The following RRM2 variants were observed in gnomAD, a reference collection of about 807,000 sequenced individuals.
RRM2 encodes the protein ribonucleoside-diphosphate reductase subunit M2.
In RRM2, 6 loss-of-function variants were observed where a neutral mutation model predicts 45.9. The ratio of observed to expected loss-of-function variants is 0.13; its 90% CI spans 0.07 to 0.26. The LOEUF is 0.26. Ranked by LOEUF, RRM2 falls within the 10% of genes least tolerant of loss-of-function variation. RRM2 has a pLI of 1.00. For synonymous variants in RRM2, 177 were observed against 173.0 expected, an observed-to-expected ratio of 1.02 and a Z score of -0.18; for missense variants, 343 against 489.5, an observed-to-expected ratio of 0.70 and a Z score of 2.82.
At chr2:10,155,470 C>T (rs1663404467) in intron 3 of RRM2, among the ~76,000 whole-genome samples, 1 of 151,994 alleles carries the variant, frequency 6.6e-6, no homozygotes, top group Non-Finnish European at 1.5e-5. Flanking sequence ...TGGAATTAGA[C>T]TGAGCTTGGT....
At chr2:10,140,359 T>C (rs916014920), upstream of RRM2, among the ~76,000 whole-genome samples, 1 of 152,264 alleles carries the variant, frequency 6.6e-6, no homozygotes, top group African/African-American at 2.4e-5. Context: ...CCACACTTGT[T>C]TGTTTACGTA....
chr2:10,194,275 G>C (rs1664367531), intron 3 of RRM2, among the ~76,000 whole-genome samples: 2 of 152,228 alleles, frequency 1.3e-5, no homozygotes, highest in South Asian at 4.1e-4. Flanking sequence ...GGACAGAGAA[G>C]TGGCCTCTAA....
At chr2:10,147,512 C>A (rs1663214046) in intron 3 of RRM2, among the ~76,000 whole-genome samples, 1 of 152,180 alleles carries the variant, frequency 6.6e-6, no homozygotes, top group Non-Finnish European at 1.5e-5. Context: ...AATCTGCCCA[C>A]CTCAGCCTTC....
At chr2:10,150,547 T>TA (rs1558388907) in intron 3 of RRM2, among the ~76,000 whole-genome samples, 1 of 150,168 alleles carries the variant, frequency 6.7e-6, no homozygotes, top group African/African-American at 2.5e-5. Flanking sequence ...ATAATTGACA[T>TA]ACAATAAACT....
At chr2:10,182,366 CAAAA>C (rs946101442) in intron 3 of RRM2, among the ~76,000 whole-genome samples, 6 of 146,560 alleles carry the variant, frequency 4.1e-5, no homozygotes, top group South Asian at 2.2e-4. Context: ...AACAAACAAA[CAAAA>C]AAAAACCCAA....
In RRM2 at chr2:10,128,860, G is replaced by A. The variant is rs750443365; in HGVS notation, c.811G>A (p.Asp271Asn). The A allele has an allele frequency of 1.2e-6, 2 of 1,613,982 alleles. No homozygotes were observed. Among genetic ancestry groups the A allele is most frequent in the Non-Finnish European group, 1.7e-6 (2 of 1,179,826 alleles). Residue 271 changes from aspartate (D) to asparagine (N), a missense_variant, in exon 8 of 10, where the codon GAT (aspartate) becomes AAT (asparagine). Around this residue, in one of 2 missense-constraint regions of RRM2, gnomAD observed 212 missense variants for 368.1 expected, o/e 0.58. Transcript: ENST00000304567. ...LISRDEGLHC[D>N]FACLMFKHLV... The stretch of plus-strand genomic sequence containing the variant: ...CTTTTTTTTCTAGGGTTTACACTGT[G>A]ATTTTGCTTGCCTGATGTTCAAACA...
chr2:10,199,798 A>AAAAAAAAAAAAC (rs1664505427), intron 3 of RRM2, among the ~76,000 whole-genome samples: 1 of 150,418 alleles, frequency 6.6e-6, no homozygotes, highest in African/African-American at 2.5e-5. Flanking sequence ...AAAAAAAAAA[A>AAAAAAAAAAAAC]AAAAAAAAAA....
chr2:10,177,705 T>TC (rs1553326747), intron 3 of RRM2, among the ~76,000 whole-genome samples: 9 of 113,480 alleles, frequency 7.9e-5, no homozygotes, highest in African/African-American at 2.9e-4. Flanking sequence ...CTTCCTTCCT[T>TC]CCTCTCTCCC....
upstream of RRM2, among the ~76,000 whole-genome samples, chr2:10,138,951 TA>T (rs1389572161): frequency 1.3e-5 from 2 of 152,068 alleles, no homozygotes; most frequent in Non-Finnish European, 2.9e-5. Context: ...CTACTAAGAA[TA>T]CAAAAATTAG....
chr2:10,123,554 C>T (rs780748520), intron 3 of RRM2, 24 bp downstream of exon 3: 1 of 1,602,004 alleles, frequency 6.2e-7, no homozygotes. Flanking sequence ...CCCAGAAGAC[C>T]CCTGCAGGGG....
chr2:10,158,236 G>C (rs1208154784), intron 3 of RRM2, among the ~76,000 whole-genome samples: 5 of 152,210 alleles, frequency 3.3e-5, no homozygotes, highest in African/African-American at 4.8e-5. Flanking sequence ...TGTCAGTAGA[G>C]CTCCGCAGAT....
chr2:10,145,736 G>C (rs1314658466), intron 3 of RRM2: 2 of 152,256 alleles, frequency 1.3e-5, no homozygotes, highest in Non-Finnish European at 2.9e-5. Context: ...GAGGGGTCCT[G>C]TCATCGTGAG....
chr2:10,174,835 C>T (rs368384771), intron 3 of RRM2, among the ~76,000 whole-genome samples: 3 of 150,078 alleles, frequency 2.0e-5, no homozygotes, highest in East Asian at 3.9e-4. Flanking sequence ...CCACTGCTTT[C>T]CAGCCTGGGT....
intron 3 of RRM2, among the ~76,000 whole-genome samples, chr2:10,191,288 G>T (rs1664301897): frequency 6.6e-6 from 1 of 152,226 alleles, no homozygotes; most frequent in African/African-American, 2.4e-5. Context: ...AGAATGCTGG[G>T]TTCTGACATT....
At chr2:10,149,153 G>A (rs1663254545) in intron 3 of RRM2, among the ~76,000 whole-genome samples, 1 of 149,962 alleles carries the variant, frequency 6.7e-6, no homozygotes, top group African/African-American at 2.5e-5. Context: ...TTTCGAGATG[G>A]AGTCTTACTC....
intron 7 of RRM2, 152 bp from the exon 8 acceptor site, chr2:10,128,696 G>A (rs575474308): frequency 3.1e-6 from 2 of 643,848 alleles, no homozygotes; most frequent in East Asian, 5.5e-5. Flanking sequence ...GAAGTCAGTA[G>A]TTGAAGTCAT....
At chr2:10,181,352 C>G (rs1664042932) in intron 3 of RRM2, among the ~76,000 whole-genome samples, 1 of 152,158 alleles carries the variant, frequency 6.6e-6, no homozygotes. Flanking sequence ...TCATTCTCAC[C>G]AGAAATGTAT....
intron 3 of RRM2, among the ~76,000 whole-genome samples, chr2:10,162,695 C>G (rs371778434): frequency 2.4e-4 from 36 of 152,042 alleles, no homozygotes; most frequent in South Asian, 1.5e-3. Context: ...CCCCCACCCC[C>G]CTGCCGAGGC....
At chr2:10,199,424 C>G (rs1664490477) in intron 3 of RRM2, 1 of 151,962 alleles carries the variant, frequency 6.6e-6, no homozygotes, top group South Asian at 2.1e-4. Context: ...TAGAATTTAA[C>G]AACAGGTGTG....
Sources: allele counts gnomAD v4.1 joint callset (sites outside exome capture counted in the v4.1 genomes callset), GRCh38; gene constraint gnomAD v4.1.1; regional missense constraint gnomAD v4.1.1; transcripts MANE v1.5; gene names NCBI Gene and HGNC (gene_info 2026-07-23, HGNC 2026-07-21).